Variants in STAU2 observed in about 807,000 individuals in gnomAD.
The protein encoded by STAU2 is staufen double-stranded RNA binding protein 2.
Under a neutral mutation model 65.9 loss-of-function variants are expected in STAU2, and 20 were observed. The ratio of observed to expected loss-of-function variants is 0.30; its 90% CI spans 0.21 to 0.44. STAU2 has a LOEUF of 0.44. STAU2 is among the 20% of genes least tolerant of loss of function. STAU2 has a pLI of 1.00. For missense variants in STAU2, 558 were observed against 683.9 expected (o/e 0.82, Z 2.05); for synonymous variants, 232 against 233.9 (o/e 0.99, Z 0.07).
intron 13 of STAU2, among the ~76,000 whole-genome samples, chr8:73,509,500 G>C (rs1363122238): frequency 6.6e-6 from 1 of 152,138 alleles, no homozygotes; most frequent in Non-Finnish European, 1.5e-5. Flanking sequence ...GAAAACATCA[G>C]TGGCTGCCAG....
At chr8:73,430,550 C>T (rs1347853070) in intron 13 of STAU2, among the ~76,000 whole-genome samples, 1 of 152,174 alleles carries the variant, frequency 6.6e-6, no homozygotes, top group Non-Finnish European at 1.5e-5. Context: ...CATGCCAATA[C>T]CTGTAAGAGC....
chr8:73,710,429 G>T, intron 3 of STAU2, among the ~76,000 whole-genome samples: 1 of 139,874 alleles, frequency 7.1e-6, no homozygotes, highest in African/African-American at 2.7e-5. Context: ...TATGGTCTGT[G>T]CTTTTTACGT....
In STAU2 at chr8:73,701,325, A is replaced by C. The variant is rs111779878; in HGVS notation, c.114+7707T>G. Among the ~76,000 whole-genome samples the C allele has an allele frequency of 1.4e-3, 213 of 152,336 alleles. 1 individual carries two copies. The highest frequency in any genetic ancestry group is 3.9e-3 in the African/African-American group (163 of 41,572). ...CTGCACAGCAAAGGAAACAGTCAAC[A>C]AAGTGAAGAAACAACCCACAGAATG... On this transcript the variant is annotated intron_variant, in intron 4 of 14. Coordinates refer to ENST00000524300, the MANE Select transcript of STAU2 (RefSeq NM_001164380.2).
chr8:73,631,322 G>C (rs984448592), intron 6 of STAU2, among the ~76,000 whole-genome samples: 2 of 151,566 alleles, frequency 1.3e-5, no homozygotes, highest in Admixed American at 1.3e-4. Context: ...ATGTACCCTT[G>C]CGGTTTGAGT....
chr8:73,525,454 G>T (rs989627873), intron 13 of STAU2, among the ~76,000 whole-genome samples: 2 of 152,114 alleles, frequency 1.3e-5, no homozygotes, highest in African/African-American at 4.8e-5. Context: ...ATTTGTAAAG[G>T]TGTCATATGG....
At position 73,603,862 on chromosome 8, in the gene STAU2, G is replaced by T. The variant is rs1811819614; in HGVS notation, c.893C>A (p.Ala298Asp). ...CATCCCTTGGCCATATTCTGGTCCG[G>T]CCTAAAAATTAATTTAAGAAAAAGT... is the stretch of plus-strand genomic sequence containing the variant. Reference protein sequence around the residue: ...FKKRPKTIVKAGPEYGQGMNP... With the variant: ...FKKRPKTIVKDGPEYGQGMNP... Residue 298 changes from alanine (A) to aspartate (D), a missense_variant and splice_region_variant, in exon 10 of 15, where the codon GCC becomes GAC. By Grantham distance (126) the Ala-to-Asp change is moderately radical. This residue lies in a region of STAU2 where 199 missense variants were observed against 299.5 expected (regional missense o/e 0.66). Coordinates refer to ENST00000524300, the MANE Select transcript of STAU2 (RefSeq NM_001164380.2). 6.3e-7 allele frequency: 1 copy of T among 1,577,814 alleles called. No homozygotes were observed.
intron 13 of STAU2, among the ~76,000 whole-genome samples, chr8:73,543,308 G>T (rs1806672652): frequency 6.6e-6 from 1 of 152,178 alleles, no homozygotes; most frequent in Admixed American, 6.5e-5. Context: ...TTGCAATAAA[G>T]AGTCCCATCT....
At chr8:73,541,873 G>C (rs77134021) in intron 13 of STAU2, among the ~76,000 whole-genome samples, 3,481 of 151,956 alleles carry the variant, frequency 0.023, 50 homozygotes, top group Non-Finnish European at 0.033. Context: ...AAAACTTCAA[G>C]GTAGATCAAT....
intron 12 of STAU2, among the ~76,000 whole-genome samples, chr8:73,582,538 G>A (rs1810064649): frequency 6.6e-6 from 1 of 151,824 alleles, no homozygotes; most frequent in Non-Finnish European, 1.5e-5. Context: ...ATCACTACAT[G>A]TATTAAATGG....
intron 1 of STAU2, among the ~76,000 whole-genome samples, chr8:73,746,212 T>C (rs552733604): frequency 3.1e-3 from 467 of 152,028 alleles, no homozygotes; most frequent in Non-Finnish European, 5.6e-3. Context: ...TCTACAGAAA[T>C]AGCTGCCGCC....
At chr8:73,614,028 T>G in intron 8 of STAU2, 72 bp from the exon 9 acceptor site, 1 of 1,283,854 alleles carries the variant, frequency 7.8e-7, no homozygotes, top group East Asian at 2.6e-5. Flanking sequence ...TGACTTAATA[T>G]TCATATCAAA....
chr8:73,428,294 T>C (rs780402054), intron 13 of STAU2, among the ~76,000 whole-genome samples: 2 of 152,108 alleles, frequency 1.3e-5, no homozygotes, highest in East Asian at 1.9e-4. Flanking sequence ...GCAAATGACA[T>C]AATTTCTTCC....
chr8:73,626,531 G>T (rs1282756779), intron 6 of STAU2, among the ~76,000 whole-genome samples: 2 of 152,184 alleles, frequency 1.3e-5, no homozygotes, highest in African/African-American at 4.8e-5. Flanking sequence ...GGCAAGAAGA[G>T]AATAGGTGAC....
At chr8:73,591,915 C>CAAAAAAAAAAAAAAAAAAAAAAA (rs1810838575) in intron 11 of STAU2, among the ~76,000 whole-genome samples, 1 of 43,598 alleles carries the variant, frequency 2.3e-5, no homozygotes, top group African/African-American at 7.2e-5. Context: ...AAAAAAAAAA[C>CAAAAAAAAAAAAAAAAAAAAAAA]AAGAGAGAGA....
chr8:73,529,873 G>A (rs1019555654), intron 13 of STAU2, among the ~76,000 whole-genome samples: 4 of 152,196 alleles, frequency 2.6e-5, no homozygotes, highest in African/African-American at 9.6e-5. Context: ...TTCTTAGCCA[G>A]GCACTTGGAA....
At chr8:73,549,566 C>T in intron 13 of STAU2, 1 of 880,014 alleles carries the variant, frequency 1.1e-6, no homozygotes, top group Non-Finnish European at 1.4e-6. Flanking sequence ...AAATTAAAGA[C>T]TGGGTGATGA....
intron 13 of STAU2, among the ~76,000 whole-genome samples, chr8:73,435,195 T>C (rs927828162): frequency 6.6e-6 from 1 of 151,954 alleles, no homozygotes; most frequent in African/African-American, 2.4e-5. Context: ...ATGTCCCTAA[T>C]TTCCCACCTG....
At chr8:73,545,838 G>A (rs1465682254) in intron 13 of STAU2, among the ~76,000 whole-genome samples, 1 of 146,196 alleles carries the variant, frequency 6.8e-6, no homozygotes, top group Non-Finnish European at 1.5e-5. Flanking sequence ...TAGTAGAGAC[G>A]GGGTTTCACC....
At chr8:73,509,776 T>A (rs777060337) in intron 13 of STAU2, among the ~76,000 whole-genome samples, 8 of 152,072 alleles carry the variant, frequency 5.3e-5, no homozygotes, top group Admixed American at 4.6e-4. Flanking sequence ...TACTGGGGAA[T>A]TATAGTAAAG....
Sources: gnomAD v4.1 joint callset for allele counts (sites outside exome capture counted in the v4.1 genomes callset) on GRCh38, gnomAD v4.1.1 for gene constraint, gnomAD v4.1.1 regional missense constraint, MANE v1.5 for transcripts, NCBI Gene and HGNC (gene_info 2026-07-23, HGNC 2026-07-21) for gene names.